PRDX1: variants seen among roughly 807,000 people sequenced by gnomAD.
PRDX1 encodes the protein peroxiredoxin 1.
Under a neutral mutation model 20.7 loss-of-function variants are expected in PRDX1, and 19 were observed. The observed-to-expected ratio is 0.92, with a 90% CI of 0.64 to 1.35. The LOEUF (loss-of-function observed/expected upper bound fraction) is 1.35. PRDX1 is among the 40% of genes most tolerant of loss of function. The pLI is 0.00. For missense variants in PRDX1, 226 were observed against 240.0 expected (o/e 0.94, Z 0.38); for synonymous variants, 89 against 83.9 (o/e 1.06, Z -0.33).
At chr1:45,521,790 C>G (rs188195149) in intron 1 of PRDX1, 39 bp downstream of exon 1, 7 of 152,828 alleles carry the variant, frequency 4.6e-5, no homozygotes, top group African/African-American at 1.7e-4. Context: ...AAGGGCGCGC[C>G]GCGCCTCACT....
chr1:45,514,620 T>A lies in PRDX1; in HGVS notation c.401A>T (p.Asp134Val). The change falls in exon 5 of 6, where the codon GAT becomes GTT. Residue 134 changes from aspartate (D) to valine (V), a missense_variant. Coordinates refer to ENST00000319248, the MANE Select transcript of PRDX1 (RefSeq NM_181697.3). ...GISFRGLFII[D>V]DKGILRQITV... is the part of the protein sequence containing the mutation. ...GATCTGCCGAAGAATACCCTTATCATCAATGATAAAAAGGCCCCTGGGAAA... is the reference window on the plus strand; with the variant it reads ...GATCTGCCGAAGAATACCCTTATCAACAATGATAAAAAGGCCCCTGGGAAA... 6.2e-7 allele frequency: 1 copy of A among 1,613,672 alleles called. No individual in the cohort carries two copies.
intron 2 of PRDX1, among the ~76,000 whole-genome samples, chr1:45,517,050 A>G: frequency 6.6e-6 from 1 of 150,704 alleles, no homozygotes; most frequent in Admixed American, 6.6e-5. Flanking sequence ...CCAAACAAGC[A>G]GCCCTTTTTG....
intron 5 of PRDX1, chr1:45,512,773 G>A (rs956645166): frequency 1.3e-5 from 2 of 152,216 alleles, no homozygotes; most frequent in Non-Finnish European, 2.9e-5. Flanking sequence ...TCTCCCACAA[G>A]GGGGCAGTCT....
chr1:45,513,617 G>T (rs563970178), intron 5 of PRDX1, among the ~76,000 whole-genome samples: 2 of 152,200 alleles, frequency 1.3e-5, no homozygotes, highest in African/African-American at 4.8e-5. Flanking sequence ...GCCTTGAGAT[G>T]CTGTTAATCT....
At position 45,519,027 on chromosome 1, in the gene PRDX1, G is replaced by C. The variant is rs375973183; in HGVS notation, c.17C>G (p.Ala6Gly). 37 of 1,594,932 alleles carry C rather than the reference G, an allele frequency of 2.3e-5. No homozygotes were observed. The highest frequency in any genetic ancestry group is 2.8e-5 in the Non-Finnish European group (33 of 1,173,574). The change falls in exon 2 of 6, where the codon GCT becomes GGT. Residue 6 changes from alanine (A) to glycine (G), a missense_variant. Ala to Gly is a moderately conservative substitution (Grantham distance 60). Transcript: ENST00000319248. Reference sequence around the variant, plus strand: ...GTTGGGGGCAGGGTGCCCAATTTTAGCATTTCCTGAAGACATCTTCCTATC... The same window carrying C: ...GTTGGGGGCAGGGTGCCCAATTTTACCATTTCCTGAAGACATCTTCCTATC... MSSGN[A>G]KIGHPAPNFK...
chr1:45,517,507 C>G (rs191676334), intron 2 of PRDX1, among the ~76,000 whole-genome samples: 69 of 152,258 alleles, frequency 4.5e-4, no homozygotes, highest in Non-Finnish European at 6.8e-4. Context: ...AGAGGCCGGG[C>G]GCAGTGGCTC....
At chr1:45,515,036 G>C (rs773338253) in intron 3 of PRDX1, 41 bp from the exon 4 acceptor site, 1 of 1,609,614 alleles carries the variant, frequency 6.2e-7, no homozygotes, top group Admixed American at 1.7e-5. Context: ...TCAAACTCTT[G>C]ACTTGACTGT....
At chr1:45,515,861 A>G in intron 2 of PRDX1, 54 bp from the exon 3 acceptor site, 2 of 1,465,348 alleles carry the variant, frequency 1.4e-6, no homozygotes, top group South Asian at 1.4e-5. Flanking sequence ...TCCTTGCTTT[A>G]TATTTTCCTA....
upstream of PRDX1, chr1:45,522,077 G>C (rs899748493): frequency 6.6e-6 from 1 of 152,206 alleles, no homozygotes; most frequent in Non-Finnish European, 1.5e-5. Context: ...CCACCCTGTT[G>C]CGGATGGCTG....
At chr1:45,514,440 G>A in intron 5 of PRDX1, 67 bp downstream of exon 5, 1 of 1,572,556 alleles carries the variant, frequency 6.4e-7, no homozygotes, top group African/African-American at 1.4e-5. Context: ...ACACCCACAG[G>A]TGTGAAGGGG....
chr1:45,512,069 C>CTTTTTTTTTTT (rs869087041), intron 5 of PRDX1: 18 of 66,920 alleles, frequency 2.7e-4, no homozygotes, highest in Non-Finnish European at 3.4e-4. Context: ...TCTTATTTTT[C>CTTTTTTTTTTT]TTTTTTTTTT....
At chr1:45,513,400 T>C (rs1643793053) in intron 5 of PRDX1, 1 of 152,224 alleles carries the variant, frequency 6.6e-6, no homozygotes, top group African/African-American at 2.4e-5. Flanking sequence ...AGCTTTTCCA[T>C]TACCCTCACC....
At chr1:45,517,651 G>A (rs892509096) in intron 2 of PRDX1, among the ~76,000 whole-genome samples, 3 of 152,002 alleles carry the variant, frequency 2.0e-5, no homozygotes, top group Non-Finnish European at 2.9e-5. Flanking sequence ...GCATGGTTGC[G>A]GGCGCCTGTA....
rs952099770 is a variant in PRDX1, at chr1:45,511,106, C to A, written c.*223G>T. ...AGATTAATGGGTTGCTCTACTAATACATCATACAAACCAGTAGCCTGCCCA... is the reference window on the plus strand; with the variant it reads ...AGATTAATGGGTTGCTCTACTAATAAATCATACAAACCAGTAGCCTGCCCA... On this transcript the variant is annotated 3_prime_UTR_variant, in exon 6 of 6. Transcript: ENST00000319248. 2.3e-6 allele frequency: 1 copy of A among 425,556 alleles called. No homozygotes were observed. Among genetic ancestry groups the A allele is most frequent in the Non-Finnish European group, 4.2e-6 (1 of 239,510 alleles). The allele number at this position is 425,556 out of a possible 1,614,324, so 26.4% of individuals were successfully genotyped here.
chr1:45,521,468 TA>T (rs1643912688), intron 1 of PRDX1: 2 of 152,128 alleles, frequency 1.3e-5, no homozygotes, highest in South Asian at 4.1e-4. Flanking sequence ...CGAGTCTGGA[TA>T]CAGGTCCATT....
rs1427818939 is a variant in PRDX1, at chr1:45,515,826, T to C, written c.107-19A>G. On this transcript the variant is annotated intron_variant, in intron 2 of 5. Coordinates refer to ENST00000319248, the MANE Select transcript of PRDX1 (RefSeq NM_181697.3). ...TATTTTCCTGGGGGGAAAATCGGAG[T>C]CATGGTTAGCATTTGACACAGACTT... 4 of 1,542,854 alleles carry C rather than the reference T, an allele frequency of 2.6e-6. No individual in the cohort carries two copies. Among genetic ancestry groups the C allele is most frequent in the Non-Finnish European group, 3.5e-6 (4 of 1,150,496 alleles).
At chr1:45,516,990 C>T (rs540757601) in intron 2 of PRDX1, among the ~76,000 whole-genome samples, 13 of 146,656 alleles carry the variant, frequency 8.9e-5, no homozygotes, top group African/African-American at 3.1e-4. Context: ...CACTGCACTA[C>T]AGCCTGTGCG....
In PRDX1 at chr1:45,514,999, T is replaced by C. The variant is rs779079353; in HGVS notation, c.261-4A>G. 3.1e-6 allele frequency: 5 copies of C among 1,613,906 alleles called. No individual in the cohort carries two copies. The highest frequency in any genetic ancestry group is 1.1e-5 in the South Asian group (1 of 91,026). On this transcript the variant is annotated splice_polypyrimidine_tract_variant and splice_region_variant and intron_variant, in intron 3 of 5. Coordinates refer to ENST00000319248, the MANE Select transcript of PRDX1 (RefSeq NM_181697.3). ...TTGTTTCTTAGGTGTATTGACCCTA[T>C]GGCAAAAGGCAAACATACAGTTACA...
At chr1:45,511,732 G>A (rs1454630032) in intron 5 of PRDX1, 10 of 214,600 alleles carry the variant, frequency 4.7e-5, no homozygotes, top group Admixed American at 1.2e-4. Flanking sequence ...CTAAATAAAC[G>A]ACACACATAG....
Sources: allele counts gnomAD v4.1 joint callset (sites outside exome capture counted in the v4.1 genomes callset), GRCh38; gene constraint gnomAD v4.1.1; transcripts MANE v1.5; gene names NCBI Gene and HGNC (gene_info 2026-07-23, HGNC 2026-07-21).